ABTB3: variants seen among roughly 807,000 people sequenced by gnomAD.
ABTB3 encodes ankyrin repeat- and BTB/POZ domain-containing protein 3.
At chr12:107,412,636 C>A in the ABTB3 span, among the ~76,000 whole-genome samples, 1 of 152,178 alleles carries the variant, frequency 6.6e-6, no homozygotes, top group South Asian at 2.1e-4. Flanking sequence ...CCTGACCACC[C>A]AGTCAACTCG....
the ABTB3 span, among the ~76,000 whole-genome samples, chr12:107,444,978 C>T: frequency 2.0e-5 from 3 of 152,162 alleles, no homozygotes; most frequent in Non-Finnish European, 4.4e-5. Context: ...GAGAGGTCCA[C>T]GTGGAGCTGG....
the ABTB3 span, among the ~76,000 whole-genome samples, chr12:107,592,607 A>G: frequency 6.6e-6 from 1 of 152,276 alleles, no homozygotes; most frequent in African/African-American, 2.4e-5. Context: ...CTCAAATATT[A>G]TACAAAAAAA....
chr12:107,614,935 C>T, the ABTB3 span: 16 of 734,436 alleles, frequency 2.2e-5, no homozygotes, highest in African/African-American at 1.2e-4. Context: ...CAGCTCTTCC[C>T]GAGGCATCTT....
At chr12:107,618,462 C>CACATACACATGCAAA in the ABTB3 span, 5 of 1,175,136 alleles carry the variant, frequency 4.3e-6, no homozygotes, top group Middle Eastern at 2.8e-4. Context: ...CATGCGCGCA[C>CACATACACATGCAAA]ACATACACAT....
chr12:107,522,190 A>G, the ABTB3 span, among the ~76,000 whole-genome samples: 2 of 152,148 alleles, frequency 1.3e-5, no homozygotes, highest in East Asian at 1.9e-4. Flanking sequence ...ATCTAACCCT[A>G]ATAATTTGCC....
the ABTB3 span, among the ~76,000 whole-genome samples, chr12:107,502,692 G>A: frequency 6.6e-6 from 1 of 152,098 alleles, no homozygotes; most frequent in Non-Finnish European, 1.5e-5. Flanking sequence ...TACCACCTGA[G>A]TGCCGCCTCC....
At chr12:107,511,332 C>T in the ABTB3 span, among the ~76,000 whole-genome samples, 984 of 152,352 alleles carry the variant, frequency 6.5e-3, 7 homozygotes, top group Non-Finnish European at 0.01. Context: ...CAAACTACCT[C>T]CAAATTCAGC....
At chr12:107,401,466 T>A in the ABTB3 span, among the ~76,000 whole-genome samples, 1 of 152,258 alleles carries the variant, frequency 6.6e-6, no homozygotes, top group Non-Finnish European at 1.5e-5. Flanking sequence ...GGATATTCAA[T>A]ACCAGGAACA....
the ABTB3 span, among the ~76,000 whole-genome samples, chr12:107,503,629 C>T: frequency 1.3e-5 from 2 of 151,676 alleles, no homozygotes; most frequent in East Asian, 1.9e-4. Flanking sequence ...TGGTGGTTCA[C>T]GCCTTCAGTC....
the ABTB3 span, among the ~76,000 whole-genome samples, chr12:107,499,904 T>C: frequency 6.6e-6 from 1 of 152,128 alleles, no homozygotes; most frequent in Non-Finnish European, 1.5e-5. Context: ...CAGACTGGTC[T>C]TGAACTCCTG....
At chr12:107,426,600 G>A in the ABTB3 span, among the ~76,000 whole-genome samples, 17 of 152,264 alleles carry the variant, frequency 1.1e-4, no homozygotes, top group South Asian at 1.5e-3. Flanking sequence ...TCTTGACCAC[G>A]TTTGGGTTTA....
At chr12:107,460,614 C>G in the ABTB3 span, among the ~76,000 whole-genome samples, 1 of 151,742 alleles carries the variant, frequency 6.6e-6, no homozygotes, top group East Asian at 1.9e-4. Context: ...AGCCGAGATC[C>G]CACCACTGCA....
chr12:107,552,679 G>A, the ABTB3 span, among the ~76,000 whole-genome samples: 1 of 152,316 alleles, frequency 6.6e-6, no homozygotes, highest in East Asian at 1.9e-4. Context: ...AGAGTGATGA[G>A]GGACTTGGAT....
chr12:107,542,147 T>A, the ABTB3 span, among the ~76,000 whole-genome samples: 33 of 151,760 alleles, frequency 2.2e-4, no homozygotes, highest in Admixed American at 7.2e-4. Context: ...CCATCTCTAC[T>A]AAAAATACAA....
chr12:107,495,009 A>G, the ABTB3 span, among the ~76,000 whole-genome samples: 5 of 152,182 alleles, frequency 3.3e-5, no homozygotes, highest in Non-Finnish European at 7.3e-5. Context: ...AAATGCAGGT[A>G]TAGGGAGAAG....
chr12:107,350,553 A>G, the ABTB3 span, among the ~76,000 whole-genome samples: 1 of 152,066 alleles, frequency 6.6e-6, no homozygotes, highest in Non-Finnish European at 1.5e-5. Flanking sequence ...CTCAAAAAAA[A>G]AAAAAAATTA....
chr12:107,433,690 G>A, the ABTB3 span, among the ~76,000 whole-genome samples: 3 of 152,204 alleles, frequency 2.0e-5, no homozygotes, highest in Non-Finnish European at 4.4e-5. Context: ...AATTATGTGG[G>A]AGGTGATGGT....
the ABTB3 span, among the ~76,000 whole-genome samples, chr12:107,458,626 C>T: frequency 6.6e-6 from 1 of 152,170 alleles, no homozygotes; most frequent in South Asian, 2.1e-4. Context: ...GGCCAAGTGT[C>T]TTGCTGGGAG....
the ABTB3 span, among the ~76,000 whole-genome samples, chr12:107,550,588 T>C: frequency 6.0e-5 from 9 of 149,426 alleles, no homozygotes; most frequent in African/African-American, 2.0e-4. Context: ...TCTTTCTTTT[T>C]TTTTTTTTTT....
Sources: allele counts gnomAD v4.1 joint callset (sites outside exome capture counted in the v4.1 genomes callset), GRCh38; gene constraint gnomAD v4.1.1; transcripts MANE v1.5; gene names NCBI Gene and HGNC (gene_info 2026-07-23, HGNC 2026-07-21).